ST6GALNAC3: variants seen among roughly 807,000 people sequenced by gnomAD.
The protein encoded by ST6GALNAC3 is alpha-N-acetylgalactosaminide alpha-2,6-sialyltransferase 3.
In ST6GALNAC3, 25 loss-of-function variants were observed where a neutral mutation model predicts 32.7. That is an observed-to-expected ratio of 0.76 (90% CI 0.56 to 1.07). The LOEUF (loss-of-function observed/expected upper bound fraction) is 1.07. ST6GALNAC3 is among the 50% of genes least tolerant of loss of function. The pLI is 0.00. For missense variants in ST6GALNAC3, 355 were observed against 382.4 expected, an observed-to-expected ratio of 0.93 and a Z score of 0.60; for synonymous variants, 129 against 133.1, an observed-to-expected ratio of 0.97 and a Z score of 0.21.
At chr1:76,331,962 G>A (rs998243739) in intron 2 of ST6GALNAC3, among the ~76,000 whole-genome samples, 4 of 152,092 alleles carry the variant, frequency 2.6e-5, no homozygotes, top group Admixed American at 2.0e-4. Flanking sequence ...GAAGTTTCTC[G>A]AAAGATTGAT....
chr1:76,573,261 G>A (rs549004936), intron 3 of ST6GALNAC3, among the ~76,000 whole-genome samples: 5 of 152,212 alleles, frequency 3.3e-5, no homozygotes, highest in African/African-American at 1.2e-4. Flanking sequence ...CCTCTTACAA[G>A]CATCCAGTCA....
In ST6GALNAC3 at chr1:76,571,624, T is replaced by G. The variant is rs1665864393; in HGVS notation, c.624-55828T>G. Reference sequence around the variant, plus strand: ...TGCAAATACTTTTTCCTGGATCAAATAATTGAAGAATAACTAGGATTATGA... The same window carrying G: ...TGCAAATACTTTTTCCTGGATCAAAGAATTGAAGAATAACTAGGATTATGA... On this transcript the variant is annotated intron_variant, in intron 3 of 4. Transcript: ENST00000328299. Among the ~76,000 whole-genome samples, 3 of 152,248 alleles carry G rather than the reference T, an allele frequency of 2.0e-5. No homozygotes were observed. In the South Asian group the frequency reaches 6.2e-4, roughly 32 times the overall value.
intron 1 of ST6GALNAC3, among the ~76,000 whole-genome samples, chr1:76,294,171 A>G (rs1471646278): frequency 6.6e-6 from 1 of 152,062 alleles, no homozygotes; most frequent in Non-Finnish European, 1.5e-5. Context: ...AAATACACAT[A>G]ATGTCATGTC....
In ST6GALNAC3 at chr1:76,544,349, G is replaced by T. The variant is rs1487573070; in HGVS notation, c.624-83103G>T. ...ATGTTTTTAAAGAATTCCTCTGGAT[G>T]CTATTGGGGAATGGATTGGAAGAAA... On this transcript the variant is annotated intron_variant, in intron 3 of 4. Coordinates refer to ENST00000328299, the MANE Select transcript of ST6GALNAC3 (RefSeq NM_152996.4). Among the ~76,000 whole-genome samples, 4 of 152,254 alleles carry T rather than the reference G, an allele frequency of 2.6e-5. No homozygotes were observed. In the East Asian group the frequency reaches 7.7e-4, roughly 29 times the overall value.
chr1:76,451,193 A>G (rs757296501), intron 3 of ST6GALNAC3, among the ~76,000 whole-genome samples: 1 of 152,154 alleles, frequency 6.6e-6, no homozygotes, highest in African/African-American at 2.4e-5. Context: ...GTCCATTCTC[A>G]TGCTGCTAAG....
At chr1:76,501,491 G>T (rs1338989431) in intron 3 of ST6GALNAC3, among the ~76,000 whole-genome samples, 1 of 152,002 alleles carries the variant, frequency 6.6e-6, no homozygotes, top group Admixed American at 6.6e-5. Context: ...TGGGTAAAGG[G>T]AGCTAAAAAG....
chr1:76,419,569 G>A (rs989600461), intron 3 of ST6GALNAC3, among the ~76,000 whole-genome samples: 1 of 151,848 alleles, frequency 6.6e-6, no homozygotes, highest in Non-Finnish European at 1.5e-5. Flanking sequence ...CCTTCTTCAA[G>A]TTTAGTTCAA....
At chr1:76,444,225 G>A (rs752430984) in intron 3 of ST6GALNAC3, among the ~76,000 whole-genome samples, 2 of 152,172 alleles carry the variant, frequency 1.3e-5, no homozygotes, top group African/African-American at 2.4e-5. Context: ...CCAAACTATA[G>A]AGCCTCAGAG....
At chr1:76,597,444 C>A (rs1647155515) in intron 3 of ST6GALNAC3, among the ~76,000 whole-genome samples, 1 of 151,996 alleles carries the variant, frequency 6.6e-6, no homozygotes, top group South Asian at 2.1e-4. Flanking sequence ...CCTGTGCCCC[C>A]AAAAATTCAT....
chr1:76,402,689 T>C (rs1291904166), intron 2 of ST6GALNAC3, among the ~76,000 whole-genome samples: 3 of 152,178 alleles, frequency 2.0e-5, no homozygotes, highest in Admixed American at 2.0e-4. Context: ...AAGTTCATCC[T>C]ATTTTAAAGT....
chr1:76,378,886 T>A (rs149924016), intron 2 of ST6GALNAC3, among the ~76,000 whole-genome samples: 1 of 152,084 alleles, frequency 6.6e-6, no homozygotes, highest in Non-Finnish European at 1.5e-5. Flanking sequence ...GCGGAAAAAT[T>A]ATCATCAGAC....
intron 3 of ST6GALNAC3, among the ~76,000 whole-genome samples, chr1:76,599,412 T>G (rs947475987): frequency 4.6e-5 from 7 of 152,222 alleles, no homozygotes; most frequent in African/African-American, 1.7e-4. Context: ...AAGCCCCACA[T>G]GCATTAGGTA....
At chr1:76,541,875 C>G (rs1328977552) in intron 3 of ST6GALNAC3, among the ~76,000 whole-genome samples, 1 of 152,104 alleles carries the variant, frequency 6.6e-6, no homozygotes, top group Non-Finnish European at 1.5e-5. Flanking sequence ...TGATGCATTC[C>G]CACTCAATTA....
chr1:76,313,801 G>A lies in ST6GALNAC3; in HGVS notation c.19-4G>A, dbSNP rs780874805. 4 of 1,612,376 alleles carry A rather than the reference G, an allele frequency of 2.5e-6. No individual in the cohort carries two copies. In the East Asian group the frequency reaches 6.7e-5, roughly 27 times the overall value. ...CTTCTTTTTGTTTTTTTAATGTTTT[G>A]TAGAGAAAGTCTGTGATTGCTGTGA... On this transcript the variant is annotated splice_region_variant and splice_polypyrimidine_tract_variant and intron_variant, in intron 1 of 4. Coordinates refer to ENST00000328299, the MANE Select transcript of ST6GALNAC3 (RefSeq NM_152996.4).
At chr1:76,475,602 A>G (rs563153747) in intron 3 of ST6GALNAC3, among the ~76,000 whole-genome samples, 34 of 152,308 alleles carry the variant, frequency 2.2e-4, no homozygotes, top group Admixed American at 2.0e-3. Flanking sequence ...GTAATATTAT[A>G]TTATGTAACA....
At chr1:76,334,886 C>T (rs1019136239) in intron 2 of ST6GALNAC3, among the ~76,000 whole-genome samples, 3 of 152,148 alleles carry the variant, frequency 2.0e-5, no homozygotes, top group Non-Finnish European at 4.4e-5. Context: ...TTTGAAAGAG[C>T]TGGAATAATA....
intron 3 of ST6GALNAC3, among the ~76,000 whole-genome samples, chr1:76,511,452 C>T (rs976798412): frequency 6.6e-6 from 1 of 152,202 alleles, no homozygotes; most frequent in Non-Finnish European, 1.5e-5. Flanking sequence ...CCTGCTGCTG[C>T]TCACATCCCT....
intron 1 of ST6GALNAC3, among the ~76,000 whole-genome samples, chr1:76,195,692 T>G (rs1654163827): frequency 6.6e-6 from 1 of 152,248 alleles, no homozygotes; most frequent in Non-Finnish European, 1.5e-5. Flanking sequence ...CACTTTAGTA[T>G]TCTCACAAAG....
intron 1 of ST6GALNAC3, among the ~76,000 whole-genome samples, chr1:76,213,986 G>A (rs1372841075): frequency 6.6e-6 from 1 of 152,150 alleles, no homozygotes; most frequent in Non-Finnish European, 1.5e-5. Context: ...TTTGGAAAAA[G>A]GGATTAAATA....
Sources: gnomAD v4.1 joint callset for allele counts (sites outside exome capture counted in the v4.1 genomes callset) on GRCh38, gnomAD v4.1.1 for gene constraint, MANE v1.5 for transcripts, NCBI Gene and HGNC (gene_info 2026-07-23, HGNC 2026-07-21) for gene names.